The following BNC2 variants were observed in gnomAD, a reference collection of about 807,000 sequenced individuals.
The protein encoded by BNC2 is zinc finger protein basonuclin-2.
BNC2 carries 20 observed loss-of-function variants against 76.3 expected under a neutral mutation model. That is an observed-to-expected ratio of 0.26 (90% CI 0.18 to 0.38). BNC2 has a LOEUF of 0.38. BNC2 is among the 10% of genes least tolerant of loss of function. The probability of loss-of-function intolerance (pLI) is 1.00; values close to 1 mark genes in which losing one functional copy is unlikely to be tolerated. For synonymous variants in BNC2, 582 were observed against 514.8 expected, an observed-to-expected ratio of 1.13 and a Z score of -1.77; for missense variants, 1,382 against 1,399.8, an observed-to-expected ratio of 0.99 and a Z score of 0.20.
Position 16,647,998 on chromosome 9 carries a change from A to G in BNC2, c.331-64913T>C, listed in dbSNP as rs769568874. The stretch of plus-strand genomic sequence containing the variant: ...TGACAGAAACTAAATACTAAAAGGC[A>G]ATCACTGTAAAGTATCTCTGAGACT... On this transcript the variant is annotated intron_variant, in intron 3 of 6. Coordinates refer to ENST00000380672, the MANE Select transcript of BNC2 (RefSeq NM_017637.6). Among the ~76,000 whole-genome samples, 4 of 152,204 alleles carry G rather than the reference A, an allele frequency of 2.6e-5. 1 individual carries two copies. Among genetic ancestry groups the G allele is most frequent in the African/African-American group, 4.8e-5 (2 of 41,456 alleles).
At chr9:16,854,362 T>G (rs1819201413) in intron 1 of BNC2, among the ~76,000 whole-genome samples, 1 of 152,132 alleles carries the variant, frequency 6.6e-6, no homozygotes, top group East Asian at 1.9e-4. Flanking sequence ...AACCCTTATT[T>G]TAGGATGGAA....
chr9:16,452,617 C>G (rs1343642402), intron 5 of BNC2, among the ~76,000 whole-genome samples: 1 of 152,048 alleles, frequency 6.6e-6, no homozygotes. Context: ...ACCATGTTGA[C>G]CAGGCTGGTC....
chr9:16,608,642 AC>A (rs1425718185), intron 3 of BNC2, among the ~76,000 whole-genome samples: 1 of 152,126 alleles, frequency 6.6e-6, no homozygotes, highest in Admixed American at 6.5e-5. Flanking sequence ...AGTACCTGGG[AC>A]CACAGGTGCA....
chr9:16,755,186 A>C (rs529035837), intron 1 of BNC2, among the ~76,000 whole-genome samples: 1 of 152,238 alleles, frequency 6.6e-6, no homozygotes, highest in East Asian at 1.9e-4. Flanking sequence ...AATAAGCAAC[A>C]GTTCAAAAAG....
At chr9:16,485,853 C>T (rs1045282956) in intron 5 of BNC2, among the ~76,000 whole-genome samples, 3 of 152,136 alleles carry the variant, frequency 2.0e-5, no homozygotes, top group African/African-American at 7.2e-5. Flanking sequence ...AGGCAGTCCA[C>T]AACCCTTCTC....
intron 3 of BNC2, among the ~76,000 whole-genome samples, chr9:16,681,473 A>G (rs1233237396): frequency 1.3e-5 from 2 of 152,152 alleles, no homozygotes; most frequent in Non-Finnish European, 2.9e-5. Flanking sequence ...GGGAAAGAGC[A>G]CTGCAAAGAT....
At chr9:16,420,703 T>A (rs79289022) in intron 6 of BNC2, among the ~76,000 whole-genome samples, 18,014 of 138,674 alleles carry the variant, frequency 0.13, 1,372 homozygotes, top group African/African-American at 0.23. Flanking sequence ...ACATATTTTT[T>A]TACATATATA....
At chr9:16,443,462 A>AAAGTAGAGAAATTACCAAATTTC (rs1446313389) in intron 5 of BNC2, among the ~76,000 whole-genome samples, 2 of 152,216 alleles carry the variant, frequency 1.3e-5, no homozygotes, top group Non-Finnish European at 2.9e-5. Flanking sequence ...GATTGGATAG[A>AAAGTAGAGAAATTACCAAATTTC]AAGTAGAGAA....
At chr9:16,633,141 C>T (rs998536244) in intron 3 of BNC2, among the ~76,000 whole-genome samples, 2 of 152,124 alleles carry the variant, frequency 1.3e-5, no homozygotes, top group African/African-American at 2.4e-5. Flanking sequence ...TAATTTTCTG[C>T]GCAATTTGCC....
At chr9:16,620,982 T>C (rs1340897811) in intron 3 of BNC2, among the ~76,000 whole-genome samples, 2 of 152,196 alleles carry the variant, frequency 1.3e-5, no homozygotes, top group African/African-American at 2.4e-5. Context: ...TCCACAATGT[T>C]ATCTGGTTCC....
intron 1 of BNC2, among the ~76,000 whole-genome samples, chr9:16,749,980 T>G (rs9987476): frequency 0.86 from 130,927 of 152,146 alleles, 56,727 homozygotes; most frequent in Non-Finnish European, 0.91. Flanking sequence ...AACGAGGAAT[T>G]TTATCAGTTT....
chr9:16,868,749 G>A (rs1053680531), intron 1 of BNC2, among the ~76,000 whole-genome samples: 2 of 152,138 alleles, frequency 1.3e-5, no homozygotes, highest in Non-Finnish European at 2.9e-5. Context: ...ACATGAAACG[G>A]CTACAAATAT....
intron 3 of BNC2, among the ~76,000 whole-genome samples, chr9:16,720,527 T>C (rs1007634215): frequency 7.2e-5 from 11 of 152,128 alleles, no homozygotes; most frequent in Admixed American, 2.0e-4. Flanking sequence ...TTCAAAAGCA[T>C]TGAGTAAATA....
At chr9:16,546,137 T>C (rs1241320590) in intron 5 of BNC2, among the ~76,000 whole-genome samples, 1 of 152,246 alleles carries the variant, frequency 6.6e-6, no homozygotes, top group Non-Finnish European at 1.5e-5. Context: ...GAGTTAACTT[T>C]ACACATAGAT....
At chr9:16,544,128 A>T (rs1160938408) in intron 5 of BNC2, among the ~76,000 whole-genome samples, 1 of 152,112 alleles carries the variant, frequency 6.6e-6, no homozygotes, top group African/African-American at 2.4e-5. Context: ...GGTGATCTGA[A>T]TATTTTTGTA....
chr9:16,713,399 A>C (rs1823905090), intron 3 of BNC2, among the ~76,000 whole-genome samples: 1 of 151,442 alleles, frequency 6.6e-6, no homozygotes, highest in African/African-American at 2.4e-5. Context: ...CTGAACTGGG[A>C]AATTTTTCAA....
rs1563781711 is a variant in BNC2 at position 16,435,888 on chromosome 9, T to C, written c.2306A>G (p.Gln769Arg). Residue 769 changes from glutamine (Q) to arginine (R), a missense_variant, in exon 6 of 7, where the codon CAG becomes CGG. Around this residue, in one of 3 missense-constraint regions of BNC2, gnomAD observed 798 missense variants for 775.5 expected, o/e 1.03. Transcript: ENST00000380672. ...PDENHSEPSH[Q>R]DVIKVKEEFT... is the part of the protein sequence containing the mutation. ...TTCTTCCTTCACCTTGATGACGTCC[T>C]GGTGAGAGGGCTCACTGTGGTTCTC... 6.2e-7 allele frequency: 1 copy of C among 1,613,952 alleles called. No homozygotes were observed. Among genetic ancestry groups the C allele is most frequent in the Non-Finnish European group, 8.5e-7 (1 of 1,179,842 alleles).
At chr9:16,616,194 C>T (rs1587238697) in intron 3 of BNC2, among the ~76,000 whole-genome samples, 2 of 151,704 alleles carry the variant, frequency 1.3e-5, no homozygotes, top group Non-Finnish European at 2.9e-5. Context: ...GGAGATCAGC[C>T]TGGGCAACAA....
intron 5 of BNC2, among the ~76,000 whole-genome samples, chr9:16,462,472 C>A (rs1206169865): frequency 2.0e-5 from 3 of 152,102 alleles, no homozygotes; most frequent in African/African-American, 7.2e-5. Flanking sequence ...AAAACCAAAT[C>A]TTGTAACTCC....
Sources: allele counts gnomAD v4.1 joint callset (sites outside exome capture counted in the v4.1 genomes callset), GRCh38; gene constraint gnomAD v4.1.1; regional missense constraint gnomAD v4.1.1; transcripts MANE v1.5; gene names NCBI Gene and HGNC (gene_info 2026-07-23, HGNC 2026-07-21).